The following HACE1 variants were observed in gnomAD, a reference collection of about 807,000 sequenced individuals.
HACE1 encodes E3 ubiquitin-protein ligase HACE1.
In HACE1, 73 loss-of-function variants were observed where a neutral mutation model predicts 118.4. The ratio of observed to expected loss-of-function variants is 0.62; its 90% CI spans 0.51 to 0.75. HACE1 has a LOEUF of 0.75. Ranked by LOEUF, HACE1 falls within the 30% of genes least tolerant of loss-of-function variation. The probability of loss-of-function intolerance (pLI) is 0.00; values close to 1 mark genes in which losing one functional copy is unlikely to be tolerated. For missense variants in HACE1, 749 were observed against 1,102.2 expected (o/e 0.68, Z 4.54); for synonymous variants, 368 against 374.8 (o/e 0.98, Z 0.21).
intron 6 of HACE1, among the ~76,000 whole-genome samples, chr6:104,823,660 C>A (rs918474868): frequency 6.6e-6 from 1 of 151,634 alleles, no homozygotes; most frequent in African/African-American, 2.4e-5. Flanking sequence ...AAACCTACTT[C>A]CCTTAGAATT....
In HACE1 at chr6:104,852,211, G is replaced by T. The variant is rs866227427; in HGVS notation, c.131+106C>A. 1.3e-3 allele frequency: 885 copies of T among 664,770 alleles called. 1 individual carries two copies. The highest frequency in any genetic ancestry group is 3.5e-3 in the Middle Eastern group (13 of 3,694). The allele number at this position is 664,770 out of a possible 1,614,324, so 41.2% of individuals were successfully genotyped here. A position where few individuals can be genotyped will look rare whatever the true frequency, so the allele number is the denominator to read the frequency against. ...ATGTCCAAACTGTCTGTGTGTGTGT[G>T]TGTGTGTGTGTGTGTGTGCGCGCGT... On this transcript the variant is annotated intron_variant, in intron 2 of 23. Transcript: ENST00000262903.
chr6:104,856,986 T>G (rs1776781752), intron 1 of HACE1, among the ~76,000 whole-genome samples: 2 of 152,000 alleles, frequency 1.3e-5, no homozygotes, highest in Admixed American at 1.3e-4. Flanking sequence ...ACTAAAAAGT[T>G]TACAAGTTTA....
chr6:104,784,607 T>C (rs1782145890), intron 12 of HACE1, 122 bp from the exon 13 acceptor site: 3 of 683,538 alleles, frequency 4.4e-6, no homozygotes, highest in Admixed American at 6.1e-5. Context: ...AATTTGGTTT[T>C]GAATCTTCTT....
intron 1 of HACE1, among the ~76,000 whole-genome samples, chr6:104,852,605 T>A (rs1012923798): frequency 6.6e-6 from 1 of 152,208 alleles, no homozygotes; most frequent in Non-Finnish European, 1.5e-5. Context: ...AGCTTCTGGA[T>A]GTAAAAGGAC....
intron 5 of HACE1, among the ~76,000 whole-genome samples, chr6:104,839,952 G>A (rs991124368): frequency 5.3e-5 from 8 of 152,172 alleles, no homozygotes; most frequent in African/African-American, 1.4e-4. Flanking sequence ...GTTGCAGTGA[G>A]CTGAGATTGC....
intron 5 of HACE1, among the ~76,000 whole-genome samples, chr6:104,836,410 A>C (rs1774541305): frequency 6.6e-6 from 1 of 152,162 alleles, no homozygotes; most frequent in African/African-American, 2.4e-5. Context: ...AAGACATACA[A>C]ACTGCGAAGA....
chr6:104,791,423 T>C, intron 11 of HACE1, 81 bp downstream of exon 11: 3 of 1,274,768 alleles, frequency 2.4e-6, no homozygotes, highest in Non-Finnish European at 3.4e-6. Context: ...GTTCATGAGC[T>C]TTCTGATTAA....
chr6:104,786,908 G>A (rs1375159081), intron 11 of HACE1: 1 of 152,138 alleles, frequency 6.6e-6, no homozygotes, highest in African/African-American at 2.4e-5. Flanking sequence ...AGACCGCCAT[G>A]GAAGGAGATT....
intron 22 of HACE1, among the ~76,000 whole-genome samples, chr6:104,733,231 C>G (rs556074436): frequency 2.1e-3 from 325 of 152,204 alleles, no homozygotes; most frequent in African/African-American, 7.5e-3. Context: ...ATTTCAATAT[C>G]AATATGATCA....
At chr6:104,838,510 A>T (rs1157740835) in intron 5 of HACE1, among the ~76,000 whole-genome samples, 3 of 152,156 alleles carry the variant, frequency 2.0e-5, no homozygotes, top group Admixed American at 2.0e-4. Context: ...TCCATACACA[A>T]AAAATGAAAC....
intron 11 of HACE1, chr6:104,787,263 T>C (rs1782526743): frequency 6.6e-6 from 1 of 152,134 alleles, no homozygotes; most frequent in South Asian, 2.1e-4. Flanking sequence ...ATACCCTCCT[T>C]CGAAGTTAAA....
chr6:104,732,011 T>C (rs1282387131), intron 22 of HACE1: 1 of 151,878 alleles, frequency 6.6e-6, no homozygotes, highest in Non-Finnish European at 1.5e-5. Flanking sequence ...TCAAAACCAC[T>C]TCACACTCAT....
At chr6:104,733,718 G>A (rs1255383748) in intron 22 of HACE1, among the ~76,000 whole-genome samples, 2 of 151,436 alleles carry the variant, frequency 1.3e-5, no homozygotes, top group Non-Finnish European at 2.9e-5. Flanking sequence ...GCGAAGTGAT[G>A]TGTGCACCTG....
At chr6:104,753,034 G>GA (rs1351661999) in intron 19 of HACE1, among the ~76,000 whole-genome samples, 1 of 152,070 alleles carries the variant, frequency 6.6e-6, no homozygotes, top group Non-Finnish European at 1.5e-5. Context: ...GTGTTTAATG[G>GA]AAAAATCTAA....
intron 20 of HACE1, among the ~76,000 whole-genome samples, chr6:104,745,425 T>C (rs1184986987): frequency 6.6e-6 from 1 of 151,870 alleles, no homozygotes; most frequent in African/African-American, 2.4e-5. Flanking sequence ...GCCTACACTT[T>C]ACACTGATGA....
chr6:104,753,468 A>T (rs578139994), intron 19 of HACE1, among the ~76,000 whole-genome samples: 11 of 152,160 alleles, frequency 7.2e-5, no homozygotes, highest in Admixed American at 3.9e-4. Flanking sequence ...GTCTCCAGCC[A>T]CCTCTTATAG....
chr6:104,820,040 C>T (rs1054202746), intron 6 of HACE1, among the ~76,000 whole-genome samples: 1 of 151,782 alleles, frequency 6.6e-6, no homozygotes, highest in African/African-American at 2.4e-5. Flanking sequence ...ACTAAAAATA[C>T]AAAAATTAGC....
intron 18 of HACE1, among the ~76,000 whole-genome samples, 178 bp downstream of exon 18, chr6:104,771,747 A>G (rs904368397): frequency 6.6e-6 from 1 of 151,370 alleles, no homozygotes; most frequent in Admixed American, 6.6e-5. Context: ...GGTGTTTGGA[A>G]AAAAAAAAGG....
chr6:104,811,591 A>AT (rs990704160), intron 6 of HACE1, among the ~76,000 whole-genome samples, 198 bp from the exon 7 acceptor site: 8 of 152,098 alleles, frequency 5.3e-5, no homozygotes, highest in Admixed American at 2.6e-4. Context: ...CACAACACAC[A>AT]TATATGTGGA....
Sources: allele counts gnomAD v4.1 joint callset (sites outside exome capture counted in the v4.1 genomes callset), GRCh38; gene constraint gnomAD v4.1.1; transcripts MANE v1.5; gene names NCBI Gene and HGNC (gene_info 2026-07-23, HGNC 2026-07-21).